Variants in PDE11A observed in about 807,000 individuals in gnomAD.
PDE11A encodes dual 3',5'-cyclic-AMP and -GMP phosphodiesterase 11A.
In PDE11A, 100 loss-of-function variants were observed where a neutral mutation model predicts 100.5. The ratio of observed to expected loss-of-function variants is 1.00; its 90% CI spans 0.85 to 1.18. PDE11A has a LOEUF of 1.18. PDE11A is among the 50% of genes most tolerant of loss of function. The pLI is 0.00. For synonymous variants in PDE11A, 381 were observed against 420.8 expected (o/e 0.91, Z 1.16); for missense variants, 1,141 against 1,152.6 (o/e 0.99, Z 0.15).
chr2:178,048,094 T>C (rs566286753), intron 1 of PDE11A, among the ~76,000 whole-genome samples: 1 of 152,312 alleles, frequency 6.6e-6, no homozygotes, highest in African/African-American at 2.4e-5. Flanking sequence ...ATAGAGCAGC[T>C]GGGAAGCAGT....
chr2:177,755,417 C>T (rs1347742920), intron 10 of PDE11A, among the ~76,000 whole-genome samples: 1 of 152,176 alleles, frequency 6.6e-6, no homozygotes, highest in African/African-American at 2.4e-5. Context: ...GAGCATCTTG[C>T]CTGTATCCCA....
At chr2:177,669,728 G>C (rs1037369221) in intron 17 of PDE11A, among the ~76,000 whole-genome samples, 161 bp from the exon 18 acceptor site, 1 of 152,182 alleles carries the variant, frequency 6.6e-6, no homozygotes, top group African/African-American at 2.4e-5. Context: ...AGGTGTTATA[G>C]AACTTAATGA....
intron 2 of PDE11A, among the ~76,000 whole-genome samples, chr2:178,007,606 T>A (rs2086226942): frequency 6.6e-6 from 1 of 152,194 alleles, no homozygotes; most frequent in Non-Finnish European, 1.5e-5. Context: ...AGGACTGAAG[T>A]CTTAATGATC....
rs367935473 is a variant in PDE11A at position 178,037,524 on chromosome 2, T to A, written c.913-23064A>T. 1.3e-4 allele frequency among the ~76,000 whole-genome samples: 20 copies of A among 152,352 alleles called. No individual in the cohort carries two copies. The South Asian group carries it at 1.5e-3, about 11-fold the overall frequency. On this transcript the variant is annotated intron_variant, in intron 1 of 19. Coordinates refer to ENST00000286063, the MANE Select transcript of PDE11A (RefSeq NM_016953.4). ...GACCCAGCAATCCCATTACTGGGTA[T>A]ATACCCAAAGGATTATAAATCATTC...
At chr2:177,879,818 G>A (rs1287600253) in intron 4 of PDE11A, among the ~76,000 whole-genome samples, 1 of 152,176 alleles carries the variant, frequency 6.6e-6, no homozygotes, top group Non-Finnish European at 1.5e-5. Context: ...ATGACAGGAT[G>A]TTTGAACTCT....
intron 10 of PDE11A, among the ~76,000 whole-genome samples, chr2:177,758,578 A>G (rs16865764): frequency 0.068 from 10,278 of 152,262 alleles, 387 homozygotes; most frequent in Middle Eastern, 0.16. Flanking sequence ...GCATTGAAGG[A>G]ATAGAGTGCA....
chr2:177,853,662 ATATATATATATATATATATGTGTGTG>A (rs1355447273), intron 5 of PDE11A, among the ~76,000 whole-genome samples: 2 of 31,280 alleles, frequency 6.4e-5, no homozygotes, highest in African/African-American at 2.1e-4. Context: ...ATATATATAT[ATATATATATATATATATATGTGTGTG>A]TGTGTGTGTG....
In PDE11A at chr2:177,955,999, G is replaced by A. The variant is rs1267137017; in HGVS notation, c.1072-50812C>T. 1.3e-5 allele frequency among the ~76,000 whole-genome samples: 2 copies of A among 152,024 alleles called. 1 individual carries two copies. Among genetic ancestry groups the A allele is most frequent in the African/African-American group, 4.8e-5 (2 of 41,492 alleles). On this transcript the variant is annotated intron_variant, in intron 2 of 19. Coordinates refer to ENST00000286063, the MANE Select transcript of PDE11A (RefSeq NM_016953.4). Reference sequence around the variant, plus strand: ...CAATACCATTCAGGACATAGGCATGGGCAAGGACTTCATGTCTAAAACACC... The same window carrying A: ...CAATACCATTCAGGACATAGGCATGAGCAAGGACTTCATGTCTAAAACACC...
rs1021642957 is a variant in PDE11A, at chr2:177,775,220, G to T, written c.1738-5847C>A. Among the ~76,000 whole-genome samples the T allele has an allele frequency of 3.9e-5, 6 of 152,164 alleles. No homozygotes were observed. The East Asian group carries it at 1.2e-3, about 29-fold the overall frequency. Reference sequence around the variant, plus strand: ...CTGAGGATTGTAAGATAATAAGTATGTGTTGTTTTAATCCACTAAGATCGT... The same window carrying T: ...CTGAGGATTGTAAGATAATAAGTATTTGTTGTTTTAATCCACTAAGATCGT... On this transcript the variant is annotated intron_variant, in intron 9 of 19. Transcript: ENST00000286063.
intron 2 of PDE11A, among the ~76,000 whole-genome samples, chr2:177,917,679 A>G (rs2084973674): frequency 6.6e-6 from 1 of 152,236 alleles, no homozygotes; most frequent in Non-Finnish European, 1.5e-5. Flanking sequence ...TTAGCATTTT[A>G]CAGACACTGT....
At chr2:178,026,934 T>C (rs1360078599) in intron 1 of PDE11A, among the ~76,000 whole-genome samples, 1 of 152,170 alleles carries the variant, frequency 6.6e-6, no homozygotes, top group East Asian at 1.9e-4. Context: ...ACTCATCTCT[T>C]AATAAATTGC....
chr2:177,766,488 G>A (rs765913197), intron 10 of PDE11A, among the ~76,000 whole-genome samples: 1 of 152,138 alleles, frequency 6.6e-6, no homozygotes, highest in Non-Finnish European at 1.5e-5. Flanking sequence ...AATCATGTTT[G>A]TTAAAAAAGT....
At chr2:177,775,491 C>T (rs1011051429) in intron 9 of PDE11A, among the ~76,000 whole-genome samples, 1 of 152,208 alleles carries the variant, frequency 6.6e-6, no homozygotes, top group Admixed American at 6.5e-5. Context: ...CCTTCAATGG[C>T]ATCCACAGAT....
chr2:177,882,241 T>C (rs901179370), intron 4 of PDE11A, among the ~76,000 whole-genome samples: 2 of 152,162 alleles, frequency 1.3e-5, no homozygotes, highest in African/African-American at 4.8e-5. Context: ...AACTTATATT[T>C]TTAAAAAGAA....
At chr2:177,722,606 A>T (rs2081546923) in intron 12 of PDE11A, among the ~76,000 whole-genome samples, 1 of 152,196 alleles carries the variant, frequency 6.6e-6, no homozygotes, top group Non-Finnish European at 1.5e-5. Context: ...TTTTTAAATG[A>T]TTAAAAGACA....
At chr2:177,829,704 G>C in intron 6 of PDE11A, among the ~76,000 whole-genome samples, 1 of 151,054 alleles carries the variant, frequency 6.6e-6, no homozygotes, top group Non-Finnish European at 1.5e-5. Context: ...CGCCTGCCTC[G>C]GCCTCCTAAA....
At chr2:177,673,651 G>A (rs1421339534) in intron 17 of PDE11A, among the ~76,000 whole-genome samples, 1 of 152,204 alleles carries the variant, frequency 6.6e-6, no homozygotes, top group African/African-American at 2.4e-5. Context: ...TGACTGATGG[G>A]ACATTTGGGT....
At chr2:177,773,473 C>G (rs1008251522) in intron 9 of PDE11A, among the ~76,000 whole-genome samples, 1 of 152,086 alleles carries the variant, frequency 6.6e-6, no homozygotes, top group African/African-American at 2.4e-5. Context: ...TAAATACATG[C>G]TTTGGTTACT....
At chr2:178,057,672 T>G (rs762206929) in intron 1 of PDE11A, among the ~76,000 whole-genome samples, 23 of 152,190 alleles carry the variant, frequency 1.5e-4, no homozygotes, top group Admixed American at 3.9e-4. Context: ...CCTTCCAACC[T>G]TGTTCATTCC....
Sources: allele counts gnomAD v4.1 joint callset (sites outside exome capture counted in the v4.1 genomes callset), GRCh38; gene constraint gnomAD v4.1.1; transcripts MANE v1.5; gene names NCBI Gene and HGNC (gene_info 2026-07-23, HGNC 2026-07-21).